The following GLDC variants were observed in gnomAD, a reference collection of about 807,000 sequenced individuals.
GLDC encodes glycine decarboxylase.
A neutral mutation model predicts 121.3 loss-of-function variants in GLDC; 104 were observed. That is an observed-to-expected ratio of 0.86 (90% CI 0.73 to 1.01). The LOEUF (loss-of-function observed/expected upper bound fraction) is 1.01, where lower values mean the gene tolerates loss of function less well. Among genes scored for constraint, GLDC ranks in the 50% least tolerant of loss-of-function variants. The probability of loss-of-function intolerance (pLI) is 0.00; values close to 1 mark genes in which losing one functional copy is unlikely to be tolerated. For missense variants in GLDC, 1,429 were observed against 1,306.6 expected (o/e 1.09, Z -1.44); for synonymous variants, 546 against 480.6 (o/e 1.14, Z -1.78).
At chr9:6,622,391 G>C (rs1419986726) in intron 2 of GLDC, among the ~76,000 whole-genome samples, 1 of 149,396 alleles carries the variant, frequency 6.7e-6, no homozygotes, top group African/African-American at 2.5e-5. Flanking sequence ...GCAGGCACGC[G>C]CCGCCACGCC....
At chr9:6,637,438 G>C (rs1819527692) in intron 2 of GLDC, among the ~76,000 whole-genome samples, 2 of 152,010 alleles carry the variant, frequency 1.3e-5, no homozygotes, top group Admixed American at 6.6e-5. Context: ...TCAAGATTGA[G>C]GGTTTTTTAA....
chr9:6,625,523 C>T (rs536051659), intron 2 of GLDC, among the ~76,000 whole-genome samples: 1 of 152,292 alleles, frequency 6.6e-6, no homozygotes, highest in Admixed American at 6.5e-5. Flanking sequence ...TCTTCCAGTG[C>T]AGGACTCTCC....
intron 11 of GLDC, 79 bp from the exon 12 acceptor site, chr9:6,589,371 G>A (rs1211358612): frequency 1.2e-6 from 1 of 807,934 alleles, no homozygotes. Flanking sequence ...CTGGGTGGCT[G>A]GGCCACAAAG....
At chr9:6,552,916 A>G (rs190216667) in intron 20 of GLDC, among the ~76,000 whole-genome samples, 3 of 150,366 alleles carry the variant, frequency 2.0e-5, no homozygotes, top group East Asian at 4.0e-4. Context: ...GCTATTTTTC[A>G]TCTTCTCCTC....
intron 3 of GLDC, among the ~76,000 whole-genome samples, chr9:6,617,068 C>T (rs558146227): frequency 4.6e-5 from 7 of 152,168 alleles, no homozygotes; most frequent in African/African-American, 7.2e-5. Flanking sequence ...TGTTTTCTTT[C>T]GAGGCTATGT....
At chr9:6,631,652 T>A (rs1476772061) in intron 2 of GLDC, among the ~76,000 whole-genome samples, 1 of 152,190 alleles carries the variant, frequency 6.6e-6, no homozygotes, top group Non-Finnish European at 1.5e-5. Flanking sequence ...TTTTCCCTCT[T>A]TGCTGCCCCA....
At chr9:6,543,477 C>G (rs1017694162) in intron 21 of GLDC, among the ~76,000 whole-genome samples, 3 of 152,092 alleles carry the variant, frequency 2.0e-5, no homozygotes, top group Admixed American at 6.6e-5. Flanking sequence ...CAAGCCAAGC[C>G]CAACACAGCA....
At chr9:6,547,858 A>G (rs1160960445) in intron 21 of GLDC, among the ~76,000 whole-genome samples, 1 of 152,226 alleles carries the variant, frequency 6.6e-6, no homozygotes. Context: ...GGCCAGGTGC[A>G]GTGGCTCACA....
chr9:6,542,166 G>C (rs576216541), intron 21 of GLDC: 2 of 152,396 alleles, frequency 1.3e-5, no homozygotes, highest in African/African-American at 4.8e-5. Context: ...CTTGAACCCG[G>C]GAGTCGGAGG....
chr9:6,610,849 C>T (rs541634606), intron 3 of GLDC, among the ~76,000 whole-genome samples: 1 of 152,320 alleles, frequency 6.6e-6, no homozygotes, highest in African/African-American at 2.4e-5. Context: ...ATCCACCTGC[C>T]TCGGCCTGCC....
At position 6,532,897 on chromosome 9, in the gene GLDC, A is replaced by C; in HGVS notation, c.*120T>G. The C allele has an allele frequency of 2.6e-6, 2 of 776,324 alleles. No individual in the cohort carries two copies. The highest frequency in any genetic ancestry group is 4.7e-6 in the Non-Finnish European group (2 of 427,574). 48.1% of individuals were successfully genotyped at this position (776,324 alleles called of 1,614,324 possible). ...ACATTTACCTTGACAGAGATTACAG[A>C]GATATACACAGTATATAAAACTCCT... On this transcript the variant is annotated 3_prime_UTR_variant, in exon 25 of 25. Transcript: ENST00000321612.
At chr9:6,553,782 T>A (rs979862540) in intron 19 of GLDC, among the ~76,000 whole-genome samples, 1 of 151,926 alleles carries the variant, frequency 6.6e-6, no homozygotes, top group African/African-American at 2.4e-5. Context: ...ACAGTGGAGT[T>A]CCATGTCCCT....
intron 16 of GLDC, among the ~76,000 whole-genome samples, chr9:6,563,364 C>G (rs1442900413): frequency 6.6e-6 from 1 of 152,236 alleles, no homozygotes; most frequent in Non-Finnish European, 1.5e-5. Flanking sequence ...CTGCTTTCTG[C>G]AAACACTGCT....
At chr9:6,585,575 G>T (rs1233539261) in intron 15 of GLDC, among the ~76,000 whole-genome samples, 1 of 152,120 alleles carries the variant, frequency 6.6e-6, no homozygotes, top group African/African-American at 2.4e-5. Flanking sequence ...TTTATAGGGT[G>T]TATTGTTTTT....
chr9:6,577,124 G>A (rs1818079839), intron 15 of GLDC, among the ~76,000 whole-genome samples: 1 of 152,248 alleles, frequency 6.6e-6, no homozygotes, highest in Non-Finnish European at 1.5e-5. Context: ...TGAGAAGACA[G>A]CGCGGAAAGG....
At chr9:6,617,564 C>G (rs571300771) in intron 3 of GLDC, among the ~76,000 whole-genome samples, 1 of 152,140 alleles carries the variant, frequency 6.6e-6, no homozygotes, top group Non-Finnish European at 1.5e-5. Flanking sequence ...AAAAAGAAGC[C>G]TTCATCAATG....
chr9:6,583,705 C>T (rs560196643), intron 15 of GLDC, among the ~76,000 whole-genome samples: 110 of 152,286 alleles, frequency 7.2e-4, no homozygotes, highest in African/African-American at 2.6e-3. Context: ...TAAATTCTGA[C>T]ACATGCCACA....
chr9:6,548,465 C>G (rs1012587086), intron 21 of GLDC, among the ~76,000 whole-genome samples: 2 of 152,124 alleles, frequency 1.3e-5, no homozygotes, highest in Non-Finnish European at 2.9e-5. Flanking sequence ...GACATGTTGC[C>G]CACAACTGTG....
At chr9:6,590,413 G>A (rs1385384275) in intron 11 of GLDC, among the ~76,000 whole-genome samples, 1 of 152,162 alleles carries the variant, frequency 6.6e-6, no homozygotes, top group Non-Finnish European at 1.5e-5. Flanking sequence ...CCCCAGTGTT[G>A]AAGATGGGCT....
Sources: gnomAD v4.1 joint callset for allele counts (sites outside exome capture counted in the v4.1 genomes callset) on GRCh38, gnomAD v4.1.1 for gene constraint, MANE v1.5 for transcripts, NCBI Gene and HGNC (gene_info 2026-07-23, HGNC 2026-07-21) for gene names.